The following CAPN8 variants were observed in gnomAD, a reference collection of about 807,000 sequenced individuals.
CAPN8 encodes the protein calpain 8.
CAPN8 carries 87 observed loss-of-function variants against 80.9 expected under a neutral mutation model. The observed-to-expected ratio is 1.07, with a 90% confidence interval of 0.90 to 1.28. CAPN8 has a LOEUF of 1.28. Among genes scored for constraint, CAPN8 ranks in the 50% most tolerant of loss-of-function variants. CAPN8 has a pLI of 0.00. For synonymous variants in CAPN8, 299 were observed against 273.8 expected (o/e 1.09, Z -0.91); for missense variants, 757 against 702.0 (o/e 1.08, Z -0.89).
At chr1:223,637,215 A>T (rs1462100584) in intron 2 of CAPN8, among the ~76,000 whole-genome samples, 1 of 152,180 alleles carries the variant, frequency 6.6e-6, no homozygotes, top group Non-Finnish European at 1.5e-5. Context: ...GACCAGAGGT[A>T]ATCTAGACTT....
chr1:223,651,260 C>T (rs1658336444), intron 2 of CAPN8, among the ~76,000 whole-genome samples: 1 of 152,196 alleles, frequency 6.6e-6, no homozygotes, highest in Admixed American at 6.5e-5. Flanking sequence ...TGTGGGAGGG[C>T]TTTCGTTTGA....
intron 10 of CAPN8, among the ~76,000 whole-genome samples, chr1:223,612,602 G>T (rs746647604): frequency 6.6e-6 from 1 of 152,056 alleles, no homozygotes; most frequent in African/African-American, 2.4e-5. Flanking sequence ...CAGACCTACA[G>T]ACCTGGTGTC....
intron 10 of CAPN8, among the ~76,000 whole-genome samples, chr1:223,614,395 G>A (rs537351553): frequency 8.9e-5 from 12 of 135,076 alleles, no homozygotes; most frequent in East Asian, 4.5e-4. Context: ...GTGAGAGTCC[G>A]TCTCAAAAAA....
At chr1:223,647,675 G>A (rs146154078) in intron 2 of CAPN8, among the ~76,000 whole-genome samples, 1 of 152,158 alleles carries the variant, frequency 6.6e-6, no homozygotes, top group Non-Finnish European at 1.5e-5. Context: ...ATCGACACCT[G>A]CTGCAGTCAT....
At chr1:223,660,688 G>T (rs1407945456) in intron 1 of CAPN8, among the ~76,000 whole-genome samples, 1 of 152,164 alleles carries the variant, frequency 6.6e-6, no homozygotes, top group Non-Finnish European at 1.5e-5. Context: ...AAAAACATGT[G>T]TACATACATG....
At chr1:223,660,126 A>T (rs1282007434) in intron 1 of CAPN8, among the ~76,000 whole-genome samples, 3 of 152,146 alleles carry the variant, frequency 2.0e-5, no homozygotes, top group Admixed American at 2.0e-4. Flanking sequence ...CCAACAATTC[A>T]TCCCCTTGAC....
chr1:223,558,909 T>A (rs1294156834), intron 12 of CAPN8, among the ~76,000 whole-genome samples: 2 of 148,326 alleles, frequency 1.3e-5, no homozygotes, highest in East Asian at 4.0e-4. Flanking sequence ...GTGATGTGTG[T>A]GATATGTAAT....
At chr1:223,654,446 T>C in intron 1 of CAPN8, 47 bp from the exon 2 acceptor site, 2 of 1,512,058 alleles carry the variant, frequency 1.3e-6, no homozygotes, top group Non-Finnish European at 1.8e-6. Flanking sequence ...TGCTCAGTGA[T>C]GGCAGCAGCC....
chr1:223,626,004 G>A (rs533986523), intron 5 of CAPN8, 116 bp from the exon 6 acceptor site: 9 of 743,598 alleles, frequency 1.2e-5, no homozygotes, highest in Non-Finnish European at 2.1e-5. Flanking sequence ...TGGGACTAGG[G>A]GTGTAGGCAT....
At chr1:223,609,070 G>A (rs1656969143) in intron 12 of CAPN8, 83 bp downstream of exon 12, 1 of 397,304 alleles carries the variant, frequency 2.5e-6, no homozygotes, top group African/African-American at 2.1e-5. Context: ...GGGAGCTGGG[G>A]TGGGTCCTGC....
In CAPN8 at chr1:223,542,496, G is replaced by T. The variant is rs73128190; in HGVS notation, c.2088+612C>A. On this transcript the variant is annotated intron_variant, in intron 20 of 20. Coordinates refer to ENST00000366872, the MANE Select transcript of CAPN8 (RefSeq NM_001143962.2). Reference sequence around the variant, plus strand: ...GGGTAAGCACAGACAATGGGGCACAGCCAGTAATAACCTGGCCCTCTAGTT... The same window carrying T: ...GGGTAAGCACAGACAATGGGGCACATCCAGTAATAACCTGGCCCTCTAGTT... Among the ~76,000 whole-genome samples the T allele has an allele frequency of 6.7e-3, 1,019 of 152,166 alleles. 12 individuals are homozygous for T. The highest frequency in any genetic ancestry group is 0.023 in the African/African-American group (935 of 41,498).
At chr1:223,631,209 A>G in intron 2 of CAPN8, among the ~76,000 whole-genome samples, 1 of 152,132 alleles carries the variant, frequency 6.6e-6, no homozygotes, top group East Asian at 1.9e-4. Context: ...CCCCTTCTCC[A>G]TGAAGCTTTC....
intron 2 of CAPN8, among the ~76,000 whole-genome samples, chr1:223,645,389 T>C (rs1658160902): frequency 2.0e-5 from 3 of 152,148 alleles, no homozygotes; most frequent in African/African-American, 7.2e-5. Flanking sequence ...CAGTACTTTG[T>C]ATCCTTCAAT....
chr1:223,558,705 G>GGTGTACTGTGT (rs1176394275), intron 12 of CAPN8, among the ~76,000 whole-genome samples: 44 of 151,764 alleles, frequency 2.9e-4, no homozygotes, highest in Non-Finnish European at 4.3e-4. Flanking sequence ...GTGTGTGAAT[G>GGTGTACTGTGT]GTGTACTGTG....
intron 2 of CAPN8, among the ~76,000 whole-genome samples, chr1:223,642,197 A>G (rs1354451085): frequency 6.6e-6 from 1 of 152,242 alleles, no homozygotes; most frequent in Non-Finnish European, 1.5e-5. Flanking sequence ...GGGGTCACCC[A>G]AGAAAGAAAG....
intron 2 of CAPN8, among the ~76,000 whole-genome samples, chr1:223,650,430 T>C (rs1229983290): frequency 6.6e-6 from 1 of 152,216 alleles, no homozygotes; most frequent in East Asian, 1.9e-4. Context: ...CTGCAGTAAC[T>C]GGCTCAAGGA....
At chr1:223,612,751 A>T (rs1306934988) in intron 10 of CAPN8, among the ~76,000 whole-genome samples, 4 of 152,244 alleles carry the variant, frequency 2.6e-5, no homozygotes, top group African/African-American at 9.6e-5. Context: ...CTTCTCTGGG[A>T]TTTCTGAATT....
intron 2 of CAPN8, among the ~76,000 whole-genome samples, chr1:223,631,015 G>T (rs574546218): frequency 5.9e-5 from 9 of 151,910 alleles, no homozygotes; most frequent in Admixed American, 1.3e-4. Flanking sequence ...AACCTAACAG[G>T]GCATCAACAC....
At chr1:223,618,267 C>A in intron 9 of CAPN8, 2 of 1,550,546 alleles carry the variant, frequency 1.3e-6, no homozygotes, top group Non-Finnish European at 1.7e-6. Flanking sequence ...TCAGCTGATT[C>A]AACCTAGGAG....
Sources: gnomAD v4.1 joint callset for allele counts (sites outside exome capture counted in the v4.1 genomes callset) on GRCh38, gnomAD v4.1.1 for gene constraint, MANE v1.5 for transcripts, NCBI Gene and HGNC (gene_info 2026-07-23, HGNC 2026-07-21) for gene names.